The following COL6A3 variants were observed in gnomAD, a reference collection of about 807,000 sequenced individuals.
COL6A3 encodes collagen alpha-3(VI) chain.
In COL6A3, 137 loss-of-function variants were observed where a neutral mutation model predicts 274.1. The observed-to-expected ratio is 0.50, with a 90% CI of 0.44 to 0.58. COL6A3 has a LOEUF of 0.58. Among genes scored for constraint, COL6A3 ranks in the 20% least tolerant of loss-of-function variants. The probability of loss-of-function intolerance (pLI) is 0.00; values close to 1 mark genes in which losing one functional copy is unlikely to be tolerated. For missense variants in COL6A3, 3,950 were observed against 4,124.9 expected (o/e 0.96, Z 1.16); for synonymous variants, 1,650 against 1,650.6 (o/e 1.00, Z 0.01).
chr2:237,349,580 A>G (rs1341669696), intron 28 of COL6A3, among the ~76,000 whole-genome samples: 5 of 149,854 alleles, frequency 3.3e-5, no homozygotes, highest in African/African-American at 9.7e-5. Flanking sequence ...CTCCTTTTGG[A>G]AAAAGTCACA....
Position 237,394,789 on chromosome 2 carries a change from A to G in COL6A3, c.507T>C (p.Asp169=), listed in dbSNP as rs1352046046. Residue 169 remains aspartate, a synonymous_variant, in exon 3 of 44, where the codon GAT becomes GAC. Transcript: ENST00000295550. ...ALPSAELKSA[D]VNVFAIGVED... is the part of the protein sequence containing the mutation. ...CAACTCCAATTGCAAACACGTTAACATCAGCAGACTTAAGTTCCGCTGAGG... is the reference window on the plus strand; with the variant it reads ...CAACTCCAATTGCAAACACGTTAACGTCAGCAGACTTAAGTTCCGCTGAGG... 6 of 1,614,088 alleles carry G rather than the reference A, an allele frequency of 3.7e-6. No individual in the cohort carries two copies. Among genetic ancestry groups the G allele is most frequent in the Non-Finnish European group, 4.2e-6 (5 of 1,180,048 alleles).
In COL6A3 at chr2:237,378,927, C is replaced by G. The variant is rs150008830; in HGVS notation, c.2206G>C (p.Gly736Arg). Reference protein sequence around the residue: ...VYANHFTEAGGSRIREHVPQL... With the variant: ...VYANHFTEAGRSRIREHVPQL... ...GGCACGTGTTCACGGATCCTGCTGC[C>G]GCCAGCTTCCGTGAAGTGGTTGGCA... The change falls in exon 6 of 44, where the codon GGC (glycine) becomes CGC (arginine). Residue 736 changes from glycine to arginine, a missense_variant. By Grantham distance (125) the Gly-to-Arg change is moderately radical. Around this residue, in one of 5 missense-constraint regions of COL6A3, gnomAD observed 1,934 missense variants for 1,984.3 expected, o/e 0.97. Transcript: ENST00000295550. 1 of 1,614,052 alleles carries G rather than the reference C, an allele frequency of 6.2e-7. No individual in the cohort carries two copies. The highest frequency in any genetic ancestry group is 2.2e-5 in the East Asian group (1 of 44,882).
At chr2:237,327,797 T>C (rs1700028251) in intron 42 of COL6A3, 2 of 151,382 alleles carry the variant, frequency 1.3e-5, no homozygotes, top group African/African-American at 4.9e-5. Context: ...TGGACTCTAC[T>C]CAGCTATGAG....
At position 237,381,021 on chromosome 2, in the gene COL6A3, G is replaced by T. The variant is rs76576170; in HGVS notation, c.1791C>A (p.Phe597Leu). 2.4e-5 allele frequency: 39 copies of T among 1,614,078 alleles called. No individual in the cohort carries two copies. Among genetic ancestry groups the T allele is most frequent in the Non-Finnish European group, 3.1e-5 (37 of 1,180,048 alleles). Reference sequence around the variant, plus strand: ...CTGGGATGAACACCAGGGAGGAGTCGAAAGCGATCTCTTCCAGCTCAGCCT... The same window carrying T: ...CTGGGATGAACACCAGGGAGGAGTCTAAAGCGATCTCTTCCAGCTCAGCCT... Reference protein sequence around the residue: ...ADQAELEEIAFDSSLVFIPAE... With the variant: ...ADQAELEEIALDSSLVFIPAE... The change falls in exon 5 of 44, where the codon TTC becomes TTA. Residue 597 changes from phenylalanine to leucine, a missense_variant. Around this residue, in one of 5 missense-constraint regions of COL6A3, gnomAD observed 1,934 missense variants for 1,984.3 expected, o/e 0.97. Coordinates refer to ENST00000295550, the MANE Select transcript of COL6A3 (RefSeq NM_004369.4).
At position 237,367,177 on chromosome 2, in the gene COL6A3, A is replaced by T. The variant is rs886042402; in HGVS notation, c.5010T>A (p.Tyr1670Ter). 4 of 1,614,232 alleles carry T rather than the reference A, an allele frequency of 2.5e-6. No homozygotes were observed. Among genetic ancestry groups the T allele is most frequent in the Non-Finnish European group, 3.4e-6 (4 of 1,180,040 alleles). The part of the protein sequence containing the change: ...RFVSEIVDTV[Y>*]EDGDSIQVGL... ...CCACTTGGATGGAGTCGCCATCTTC[A>T]TAAACTGTGTCCACTATTTCAGACA... Residue 1670 changes from tyrosine (Y) to a stop codon, truncating the protein, a stop_gained, in exon 11 of 44, where the codon TAT (tyrosine) becomes TAA (stop). Coordinates refer to ENST00000295550, the MANE Select transcript of COL6A3 (RefSeq NM_004369.4). LOFTEE classifies it high-confidence loss of function.
chr2:237,408,340 G>A (rs1248116129), intron 1 of COL6A3, among the ~76,000 whole-genome samples: 1 of 152,202 alleles, frequency 6.6e-6, no homozygotes, highest in South Asian at 2.1e-4. Flanking sequence ...CCATAGTCCT[G>A]CGACTGCTCT....
In COL6A3 at chr2:237,371,882, C is replaced by T. The variant is rs1238934439; in HGVS notation, c.4135G>A (p.Val1379Met). The T allele has an allele frequency of 6.2e-7, 1 of 1,613,670 alleles. No homozygotes were observed. The highest frequency in any genetic ancestry group is 1.1e-5 in the South Asian group (1 of 91,054). The change falls in exon 9 of 44, where the codon GTG (valine) becomes ATG (methionine). Residue 1379 changes from valine to methionine, a missense_variant. Physicochemically the swap from Val to Met is conservative, Grantham distance 21. Around this residue, in one of 5 missense-constraint regions of COL6A3, gnomAD observed 1,934 missense variants for 1,984.3 expected, o/e 0.97. Transcript: ENST00000295550. The surrounding 1 kb of genome is among the most constrained non-coding windows in gnomAD (Gnocchi z 4.3). ...TATTCGGGGCTCAGCGAGATCTTCACCAGCTCCTCCTGGTCTGCGTTCCTG... is the reference window on the plus strand; with the variant it reads ...TATTCGGGGCTCAGCGAGATCTTCATCAGCTCCTCCTGGTCTGCGTTCCTG... The part of the protein sequence containing the change: ...IARNADQEEL[V>M]KISLSPEYVF...
Position 237,387,443 on chromosome 2 carries a change from A to G in COL6A3, c.1312+139T>C. ...ATCACAAACATGACATCCAGGACCC[A>G]GCTCATCAGGGAAGGACTGGACTGT... On this transcript the variant is annotated intron_variant, in intron 4 of 43. Coordinates refer to ENST00000295550, the MANE Select transcript of COL6A3 (RefSeq NM_004369.4). 10 of 1,284,712 alleles carry G rather than the reference A, an allele frequency of 7.8e-6. No individual in the cohort carries two copies. The South Asian group carries it at 1.3e-4, about 16-fold the overall frequency. 79.6% of individuals were successfully genotyped at this position (1,284,712 alleles called of 1,614,324 possible).
chr2:237,412,903 G>T (rs1211702707), intron 1 of COL6A3, among the ~76,000 whole-genome samples: 1 of 152,122 alleles, frequency 6.6e-6, no homozygotes, highest in Non-Finnish European at 1.5e-5. Flanking sequence ...TGCTCAGAGG[G>T]GTTTGCTCCT....
chr2:237,342,072 A>C lies in COL6A3; in HGVS notation c.7758T>G (p.Val2586=). The C allele has an allele frequency of 6.2e-7, 1 of 1,614,202 alleles. No homozygotes were observed. The highest frequency in any genetic ancestry group is 8.5e-7 in the Non-Finnish European group (1 of 1,180,014). The change falls in exon 37 of 44, where the codon GTT becomes GTG. Residue 2586 remains valine (V), a synonymous_variant. Coordinates refer to ENST00000295550, the MANE Select transcript of COL6A3 (RefSeq NM_004369.4). ...DFLENVLTCH[V]CLDICNIDPS... is the part of the protein sequence containing the mutation. ...GTTAGAGAAACAGCTTACCCAAGCA[A>C]ACATGACACGTGAGGACATTCTCCA... is the stretch of plus-strand genomic sequence containing the variant.
intron 28 of COL6A3, among the ~76,000 whole-genome samples, chr2:237,349,791 C>T (rs1376439047): frequency 6.6e-6 from 1 of 152,166 alleles, no homozygotes; most frequent in African/African-American, 2.4e-5. Context: ...CCATTTTAAC[C>T]CAAATGACAT....
intron 42 of COL6A3, chr2:237,332,989 T>G: frequency 3.8e-6 from 1 of 263,630 alleles, no homozygotes. Context: ...GGGTGTGTGC[T>G]TAGGATGTCC....
At chr2:237,337,565 G>A (rs761194147) in intron 39 of COL6A3, among the ~76,000 whole-genome samples, 7 of 152,198 alleles carry the variant, frequency 4.6e-5, no homozygotes, top group Non-Finnish European at 8.8e-5. Flanking sequence ...TCAGCTAGTC[G>A]TAAGCCAGAT....
chr2:237,410,274 G>GAAC (rs1488589589), intron 1 of COL6A3, among the ~76,000 whole-genome samples: 1 of 150,542 alleles, frequency 6.6e-6, no homozygotes, highest in East Asian at 1.9e-4. Flanking sequence ...AGACCAGGAT[G>GAAC]AACGTGCTAA....
At chr2:237,349,263 TG>T (rs1329011196) in intron 28 of COL6A3, among the ~76,000 whole-genome samples, 15 of 152,164 alleles carry the variant, frequency 9.9e-5, no homozygotes, top group African/African-American at 3.4e-4. Flanking sequence ...GTGTGTGAAT[TG>T]TACATTACTA....
Position 237,377,469 on chromosome 2 carries a change from A to G in COL6A3, c.2498-125T>C, listed in dbSNP as rs112107395. 4 of 925,366 alleles carry G rather than the reference A, an allele frequency of 4.3e-6. No individual in the cohort carries two copies. The African/African-American group carries it at 4.9e-5, about 11-fold the overall frequency. The allele number at this position is 925,366 out of a possible 1,614,324, so 57.3% of individuals were successfully genotyped here. A position where few individuals can be genotyped will look rare whatever the true frequency, so the allele number is the denominator to read the frequency against. On this transcript the variant is annotated intron_variant, in intron 6 of 43. Transcript: ENST00000295550. ...CTCATCTGATGACCACTGTGCCAGC[A>G]AGAGAAGAGAAAACCCAAATTCATA...
Position 237,344,222 on chromosome 2 carries a change from G to T in COL6A3, c.7668+128C>A. 7.1e-7 allele frequency: 1 copy of T among 1,409,596 alleles called. No individual in the cohort carries two copies. Among genetic ancestry groups the T allele is most frequent in the Non-Finnish European group, 1.0e-6 (1 of 1,003,514 alleles). 87.3% of individuals were successfully genotyped at this position (1,409,596 alleles called of 1,614,324 possible). A position where few individuals can be genotyped will look rare whatever the true frequency, so the allele number is the denominator to read the frequency against. ...ACCTCACAAGAGAAGTTCTCAGGCA[G>T]ATGGCCTCATTGGGGACGTTTTAGG... On this transcript the variant is annotated intron_variant, in intron 36 of 43. Transcript: ENST00000295550. This position sits in a 1 kb window ranked among gnomAD's most constrained non-coding sequence, Gnocchi z 4.8.
rs886055805 is a variant in COL6A3, at chr2:237,344,369, T to G, written c.7649A>C (p.Gln2550Pro). 2 of 1,614,098 alleles carry G rather than the reference T, an allele frequency of 1.2e-6. No individual in the cohort carries two copies. The highest frequency in any genetic ancestry group is 1.7e-6 in the Non-Finnish European group (2 of 1,180,042). ...PLFLTRQEDRQLINALQINNT... is the reference protein window; with the variant it reads ...PLFLTRQEDRPLINALQINNT... Reference sequence around the variant, plus strand: ...ACAGACCTGCAAAGCGTTGATGAGCTGCCGGTCTTCCTGCCTTGTAAGGAA... The same window carrying G: ...ACAGACCTGCAAAGCGTTGATGAGCGGCCGGTCTTCCTGCCTTGTAAGGAA... The change falls in exon 36 of 44, where the codon CAG becomes CCG. Residue 2550 changes from glutamine to proline, a missense_variant. Gln to Pro is a moderately conservative substitution (Grantham distance 76, BLOSUM62 -1). Around this residue, in one of 5 missense-constraint regions of COL6A3, gnomAD observed 1,284 missense variants for 1,349.7 expected, o/e 0.95. Coordinates refer to ENST00000295550, the MANE Select transcript of COL6A3 (RefSeq NM_004369.4). The surrounding 1 kb of genome is among the most constrained non-coding windows in gnomAD (Gnocchi z 4.8).
rs1460616364 is a variant in COL6A3 at position 237,368,833 on chromosome 2, G to C, written c.4630C>G (p.Leu1544Val). Residue 1544 changes from leucine (L) to valine (V), a missense_variant, in exon 10 of 44, where the codon CTG becomes GTG. Transcript: ENST00000295550. The surrounding 1 kb of genome is among the most constrained non-coding windows in gnomAD (Gnocchi z 4.4). Reference sequence around the variant, plus strand: ...GATTTTCCACCCAGGACCAGGACCAGGTGTTGGGGCACCCCGTCTTCTATG... The same window carrying C: ...GATTTTCCACCCAGGACCAGGACCACGTGTTGGGGCACCCCGTCTTCTATG... ...SRIEDGVPQHLVLVLGGKSQD... is the reference protein window; with the variant it reads ...SRIEDGVPQHVVLVLGGKSQD... 1 of 1,614,080 alleles carries C rather than the reference G, an allele frequency of 6.2e-7. No individual in the cohort carries two copies. Among genetic ancestry groups the C allele is most frequent in the African/African-American group, 1.3e-5 (1 of 74,924 alleles).
Sources: gnomAD v4.1 joint callset for allele counts (sites outside exome capture counted in the v4.1 genomes callset) on GRCh38, gnomAD v4.1.1 for gene constraint, gnomAD v4.1.1 regional missense constraint, Gnocchi (gnomAD v3.1) non-coding constraint, MANE v1.5 for transcripts, NCBI Gene and HGNC (gene_info 2026-07-23, HGNC 2026-07-21) for gene names.